The following MYZAP variants were observed in gnomAD, a reference collection of about 807,000 sequenced individuals.
MYZAP encodes GRINL1A complex locus upstream.
MYZAP carries 66 observed loss-of-function variants against 69.4 expected under a neutral mutation model. That is an observed-to-expected ratio of 0.95 (90% CI 0.78 to 1.17). MYZAP has a LOEUF of 1.17. Ranked by LOEUF, MYZAP falls within the 50% of genes most tolerant of loss-of-function variation. The pLI, the probability that MYZAP is intolerant of heterozygous loss-of-function variation, is 0.00. For missense variants in MYZAP, 611 were observed against 556.2 expected (o/e 1.10, Z -0.99); for synonymous variants, 256 against 205.9 (o/e 1.24, Z -2.09).
At chr15:57,631,884 C>A (rs538805410) in intron 6 of MYZAP, among the ~76,000 whole-genome samples, 3 of 152,134 alleles carry the variant, frequency 2.0e-5, no homozygotes, top group Non-Finnish European at 4.4e-5. Flanking sequence ...TGTGTGAGAA[C>A]GTGGCCTGGC....
intron 7 of MYZAP, among the ~76,000 whole-genome samples, chr15:57,632,850 G>A (rs990825228): frequency 2.0e-5 from 3 of 152,032 alleles, no homozygotes; most frequent in Non-Finnish European, 2.9e-5. Context: ...GGGCTTGCCC[G>A]CAGCTGTGCC....
At chr15:57,672,215 C>A (rs1475739127) in intron 11 of MYZAP, among the ~76,000 whole-genome samples, 2 of 152,162 alleles carry the variant, frequency 1.3e-5, no homozygotes, top group African/African-American at 2.4e-5. Flanking sequence ...CTGTTAGTAG[C>A]CCTGGCATCC....
At chr15:57,653,905 T>C (rs2037853423) in intron 10 of MYZAP, among the ~76,000 whole-genome samples, 3 of 144,640 alleles carry the variant, frequency 2.1e-5, no homozygotes, top group South Asian at 4.3e-4. Flanking sequence ...CTTGGGAGGC[T>C]GAGATGGGAG....
At chr15:57,623,460 CG>C (rs1178433388) in intron 4 of MYZAP, among the ~76,000 whole-genome samples, 1 of 152,090 alleles carries the variant, frequency 6.6e-6, no homozygotes, top group Non-Finnish European at 1.5e-5. Flanking sequence ...TGGACAGGCA[CG>C]GTGGCTCACG....
intron 11 of MYZAP, among the ~76,000 whole-genome samples, chr15:57,666,767 A>C (rs1244807742): frequency 6.6e-6 from 1 of 152,148 alleles, no homozygotes; most frequent in African/African-American, 2.4e-5. Flanking sequence ...ACACCTCAGC[A>C]TCCCACAATA....
intron 10 of MYZAP, among the ~76,000 whole-genome samples, chr15:57,650,990 C>T (rs775388610): frequency 7.9e-5 from 12 of 152,182 alleles, no homozygotes; most frequent in Non-Finnish European, 1.2e-4. Flanking sequence ...TGTCCTTCAT[C>T]ACTCTGCTCA....
At chr15:57,604,034 G>A (rs1358281882) in intron 1 of MYZAP, among the ~76,000 whole-genome samples, 1 of 152,220 alleles carries the variant, frequency 6.6e-6, no homozygotes, top group Admixed American at 6.5e-5. Context: ...AATAGATCAA[G>A]TGATTTGGTA....
chr15:57,672,910 GTTAC>G (rs1317326939), intron 11 of MYZAP, among the ~76,000 whole-genome samples: 1 of 151,990 alleles, frequency 6.6e-6, no homozygotes, highest in African/African-American at 2.4e-5. Flanking sequence ...CCCCTATAAT[GTTAC>G]TTAGCACATC....
chr15:57,653,799 G>A (rs897581476), intron 10 of MYZAP, among the ~76,000 whole-genome samples: 2 of 151,802 alleles, frequency 1.3e-5, no homozygotes, highest in Non-Finnish European at 2.9e-5. Context: ...GAGGCTGGGG[G>A]TTTGAAAACA....
intron 10 of MYZAP, among the ~76,000 whole-genome samples, chr15:57,640,819 A>G (rs1255596367): frequency 6.6e-6 from 1 of 152,212 alleles, no homozygotes; most frequent in Non-Finnish European, 1.5e-5. Flanking sequence ...GGAGCAGTGG[A>G]ATAGCAGAGG....
chr15:57,638,442 A>G (rs1249322431), intron 9 of MYZAP, among the ~76,000 whole-genome samples: 2 of 152,160 alleles, frequency 1.3e-5, no homozygotes, highest in Non-Finnish European at 2.9e-5. Context: ...TAAGAGAACT[A>G]TTGGGCTTGC....
At chr15:57,639,341 T>G in intron 9 of MYZAP, 99 bp from the exon 10 acceptor site, 6 of 1,297,492 alleles carry the variant, frequency 4.6e-6, no homozygotes, top group Non-Finnish European at 6.4e-6. Flanking sequence ...GCCGCCATGC[T>G]TGGCGCTCTT....
At chr15:57,602,403 G>C (rs1257567315) in intron 1 of MYZAP, among the ~76,000 whole-genome samples, 3 of 152,112 alleles carry the variant, frequency 2.0e-5, no homozygotes, top group Non-Finnish European at 4.4e-5. Flanking sequence ...ATGTTTATAT[G>C]ATGATCGCCC....
At chr15:57,613,671 A>C (rs1449669653) in intron 2 of MYZAP, among the ~76,000 whole-genome samples, 1 of 152,182 alleles carries the variant, frequency 6.6e-6, no homozygotes, top group Non-Finnish European at 1.5e-5. Context: ...GTGCCTGGCC[A>C]TAAGGAGGTT....
intron 6 of MYZAP, 125 bp from the exon 7 acceptor site, chr15:57,632,309 T>C: frequency 1.4e-6 from 2 of 1,475,784 alleles, no homozygotes; most frequent in Non-Finnish European, 1.8e-6. Context: ...GCTGTGTCTC[T>C]CTGCTGCAGA....
At chr15:57,637,136 C>G (rs1304660653) in intron 8 of MYZAP, among the ~76,000 whole-genome samples, 1 of 152,188 alleles carries the variant, frequency 6.6e-6, no homozygotes, top group East Asian at 1.9e-4. Flanking sequence ...CAGGATCTCC[C>G]CATTTTAAGA....
At chr15:57,653,338 T>TC (rs1185845771) in intron 10 of MYZAP, among the ~76,000 whole-genome samples, 1 of 152,172 alleles carries the variant, frequency 6.6e-6, no homozygotes, top group African/African-American at 2.4e-5. Flanking sequence ...AGCTTGAAGT[T>TC]CCCCATAGAA....
At chr15:57,677,018 T>C (rs775646472) in intron 12 of MYZAP, among the ~76,000 whole-genome samples, 7 of 152,198 alleles carry the variant, frequency 4.6e-5, no homozygotes, top group Non-Finnish European at 8.8e-5. Context: ...AATATTTCAT[T>C]CGTTTCCTCG....
At chr15:57,626,359 G>A (rs1164473526) in intron 5 of MYZAP, among the ~76,000 whole-genome samples, 2 of 152,208 alleles carry the variant, frequency 1.3e-5, no homozygotes, top group African/African-American at 4.8e-5. Flanking sequence ...GTATCAGAAA[G>A]AATCATGGAT....
Sources: allele counts gnomAD v4.1 joint callset (sites outside exome capture counted in the v4.1 genomes callset), GRCh38; gene constraint gnomAD v4.1.1; transcripts MANE v1.5; gene names NCBI Gene and HGNC (gene_info 2026-07-23, HGNC 2026-07-21).